Variants in GABRG3 observed in about 807,000 individuals in gnomAD.
The protein encoded by GABRG3 is gamma-aminobutyric acid receptor subunit gamma-3.
Under a neutral mutation model 48.8 loss-of-function variants are expected in GABRG3, and 25 were observed. The observed-to-expected ratio is 0.51, with a 90% CI of 0.37 to 0.72. The LOEUF is 0.72. Ranked by LOEUF, GABRG3 falls within the 30% of genes least tolerant of loss-of-function variation. The pLI is 0.00. For synonymous variants in GABRG3, 227 were observed against 217.6 expected (o/e 1.04, Z -0.38); for missense variants, 394 against 577.9 (o/e 0.68, Z 3.26).
chr15:27,525,164 G>A (rs1891243982), intron 7 of GABRG3, among the ~76,000 whole-genome samples: 2 of 144,594 alleles, frequency 1.4e-5, no homozygotes, highest in Admixed American at 1.5e-4. Context: ...ATGTGTCAAG[G>A]GCATTGTGCT....
intron 3 of GABRG3, among the ~76,000 whole-genome samples, chr15:27,137,576 C>T (rs1278975946): frequency 6.6e-6 from 1 of 152,170 alleles, no homozygotes; most frequent in African/African-American, 2.4e-5. Flanking sequence ...ACCCTGCATA[C>T]ATACTCTCTG....
intron 5 of GABRG3, among the ~76,000 whole-genome samples, chr15:27,394,121 G>T (rs1002594652): frequency 1.1e-4 from 16 of 151,910 alleles, no homozygotes; most frequent in Non-Finnish European, 2.9e-5. Flanking sequence ...TTACAACTGG[G>T]GTTTTTATAT....
rs557966218 is a variant in GABRG3 at position 27,319,142 on chromosome 15, A to G, written c.271-7667A>G. 6.6e-6 allele frequency among the ~76,000 whole-genome samples: 1 copy of G among 152,342 alleles called. No homozygotes were observed. Among genetic ancestry groups the G allele is most frequent in the Admixed American group, 6.5e-5 (1 of 15,300 alleles). Reference sequence around the variant, plus strand: ...TTGTGGTAACGATTTCACAATGTACACGTATGTCAAATCATCACATCATGC... The same window carrying G: ...TTGTGGTAACGATTTCACAATGTACGCGTATGTCAAATCATCACATCATGC... On this transcript the variant is annotated intron_variant, in intron 3 of 9. Transcript: ENST00000615808. This position sits in a 1 kb window ranked among gnomAD's most constrained non-coding sequence, Gnocchi z 4.4.
intron 5 of GABRG3, among the ~76,000 whole-genome samples, chr15:27,429,188 T>C (rs1191458792): frequency 3.9e-5 from 6 of 152,186 alleles, no homozygotes; most frequent in Non-Finnish European, 7.3e-5. Flanking sequence ...ATGTGTTGTA[T>C]ATTGTAAAGA....
intron 3 of GABRG3, among the ~76,000 whole-genome samples, chr15:27,148,311 C>T (rs1898247399): frequency 6.6e-6 from 1 of 151,842 alleles, no homozygotes. Flanking sequence ...AAAGTAAAAT[C>T]TAAAAAGCCT....
intron 5 of GABRG3, among the ~76,000 whole-genome samples, chr15:27,446,597 CTTATT>C (rs1018498021): frequency 1.3e-5 from 2 of 151,958 alleles, no homozygotes; most frequent in African/African-American, 4.8e-5. Flanking sequence ...AAAATTTTTA[CTTATT>C]TTGTTTAATT....
At chr15:27,506,385 C>T (rs1890761004) in intron 6 of GABRG3, among the ~76,000 whole-genome samples, 2 of 152,146 alleles carry the variant, frequency 1.3e-5, no homozygotes, top group Admixed American at 1.3e-4. Flanking sequence ...AGAGTTGAGG[C>T]ACCAGAAGAA....
chr15:27,423,359 C>T (rs1459960227), intron 5 of GABRG3, among the ~76,000 whole-genome samples: 1 of 151,364 alleles, frequency 6.6e-6, no homozygotes, highest in East Asian at 1.9e-4. Context: ...ATGAGACCTG[C>T]TCTGTTAACT....
intron 3 of GABRG3, among the ~76,000 whole-genome samples, chr15:27,226,282 C>G (rs1889612898): frequency 6.6e-6 from 1 of 152,280 alleles, no homozygotes; most frequent in Non-Finnish European, 1.5e-5. Flanking sequence ...TCCAGGAACT[C>G]AAGGGACAGG....
At chr15:27,198,850 A>G (rs538120778) in intron 3 of GABRG3, among the ~76,000 whole-genome samples, 1 of 152,308 alleles carries the variant, frequency 6.6e-6, no homozygotes, top group African/African-American at 2.4e-5. Context: ...TTGCAGGGAC[A>G]TGGATGAAGC....
At chr15:27,151,729 G>T (rs1898319081) in intron 3 of GABRG3, among the ~76,000 whole-genome samples, 1 of 152,110 alleles carries the variant, frequency 6.6e-6, no homozygotes, top group Admixed American at 6.5e-5. Context: ...AACCCAAATG[G>T]AAGAAGGAGA....
intron 2 of GABRG3, among the ~76,000 whole-genome samples, chr15:27,018,701 G>C (rs1465996007): frequency 1.3e-5 from 2 of 152,144 alleles, no homozygotes; most frequent in Non-Finnish European, 2.9e-5. Context: ...AACTGAGCTG[G>C]AATGGGACCT....
At chr15:27,406,948 GAC>G (rs1887653798) in intron 5 of GABRG3, among the ~76,000 whole-genome samples, 2 of 151,950 alleles carry the variant, frequency 1.3e-5, no homozygotes, top group African/African-American at 4.8e-5. Flanking sequence ...GTTGTTTTGA[GAC>G]AGAGTCTGGC....
intron 5 of GABRG3, among the ~76,000 whole-genome samples, chr15:27,451,518 C>T (rs1346132556): frequency 3.9e-5 from 6 of 152,154 alleles, no homozygotes; most frequent in African/African-American, 1.4e-4. Flanking sequence ...CCTTATCTCA[C>T]ACCATATACA....
At chr15:27,207,742 T>G (rs762524487) in intron 3 of GABRG3, among the ~76,000 whole-genome samples, 5 of 152,158 alleles carry the variant, frequency 3.3e-5, no homozygotes, top group African/African-American at 4.8e-5. Context: ...ACTCAGGAAG[T>G]ATCCAAGGGT....
rs552162371 is a variant in GABRG3, at chr15:27,447,415, G to T, written c.575-33235G>T. Among the ~76,000 whole-genome samples the T allele has an allele frequency of 6.6e-6, 1 of 152,250 alleles. No homozygotes were observed. The highest frequency in any genetic ancestry group is 1.5e-5 in the Non-Finnish European group (1 of 68,000). On this transcript the variant is annotated intron_variant, in intron 5 of 9. Transcript: ENST00000615808. This position sits in a 1 kb window ranked among gnomAD's most constrained non-coding sequence, Gnocchi z 4.0. ...GGGGAGTCACTGAGGATTTTAGTCA[G>T]AAAAATTGTATAATTAGGGTTTCTT... is the stretch of plus-strand genomic sequence containing the variant.
At chr15:27,102,744 C>T (rs1270943912) in intron 3 of GABRG3, among the ~76,000 whole-genome samples, 1 of 152,158 alleles carries the variant, frequency 6.6e-6, no homozygotes. Flanking sequence ...AATAAAAGTA[C>T]TAACAAGTAA....
intron 3 of GABRG3, among the ~76,000 whole-genome samples, chr15:27,155,477 G>T (rs1296993992): frequency 6.6e-6 from 1 of 152,064 alleles, no homozygotes; most frequent in East Asian, 1.9e-4. Context: ...GGTAGAATGG[G>T]CTGAGTGTTT....
intron 3 of GABRG3, among the ~76,000 whole-genome samples, chr15:27,152,930 G>A (rs1477737642): frequency 6.7e-6 from 1 of 149,570 alleles, no homozygotes; most frequent in South Asian, 2.1e-4. Context: ...GCGCGATCTC[G>A]GCTCACTGCA....
Sources: allele counts gnomAD v4.1 joint callset (sites outside exome capture counted in the v4.1 genomes callset), GRCh38; gene constraint gnomAD v4.1.1; non-coding constraint Gnocchi (gnomAD v3.1); transcripts MANE v1.5; gene names NCBI Gene and HGNC (gene_info 2026-07-23, HGNC 2026-07-21).